Variants in DYRK1A observed in about 807,000 individuals in gnomAD.
DYRK1A encodes dual specificity tyrosine-phosphorylation-regulated kinase 1A.
A neutral mutation model predicts 79.7 loss-of-function variants in DYRK1A; 9 were observed. That is an observed-to-expected ratio of 0.11 (90% CI 0.07 to 0.20). The LOEUF (loss-of-function observed/expected upper bound fraction) is 0.20, where lower values mean the gene tolerates loss of function less well. Ranked by LOEUF, DYRK1A falls within the 10% of genes least tolerant of loss-of-function variation. The pLI is 1.00. For missense variants in DYRK1A, 622 were observed against 956.0 expected (o/e 0.65, Z 4.61); for synonymous variants, 349 against 329.7 (o/e 1.06, Z -0.63).
intron 2 of DYRK1A, among the ~76,000 whole-genome samples, chr21:37,438,420 G>T (rs1241796818): frequency 1.3e-5 from 2 of 149,996 alleles, no homozygotes; most frequent in Non-Finnish European, 2.9e-5. Flanking sequence ...GTTTGTTGTT[G>T]TTTTTTTCCC....
chr21:37,497,215 C>T (rs764478634), intron 9 of DYRK1A, among the ~76,000 whole-genome samples: 30 of 152,168 alleles, frequency 2.0e-4, no homozygotes, highest in Non-Finnish European at 3.7e-4. Context: ...CTTAATTCAC[C>T]TCCACACAGC....
rs950898744 is a variant in DYRK1A, at chr21:37,515,100, T to C, written c.*2569T>C. 2.6e-5 allele frequency: 4 copies of C among 152,632 alleles called. No individual in the cohort carries two copies. Among genetic ancestry groups the C allele is most frequent in the African/African-American group, 9.6e-5 (4 of 41,452 alleles). The allele number at this position is 152,632 out of a possible 1,614,324, so 9.5% of individuals were successfully genotyped here. ...CGGACTTGCTGTGTATATTGTAACG[T>C]TAAATGAAAAAAGAACCCCCCTTTG... On this transcript the variant is annotated 3_prime_UTR_variant, in exon 12 of 12. Transcript: ENST00000647188.
chr21:37,483,415 G>T (rs1388213278), intron 5 of DYRK1A, among the ~76,000 whole-genome samples: 6 of 152,192 alleles, frequency 3.9e-5, no homozygotes, highest in African/African-American at 7.2e-5. Flanking sequence ...TGTCACTCCA[G>T]TGTGGCCCTA....
intron 2 of DYRK1A, among the ~76,000 whole-genome samples, chr21:37,440,653 A>G (rs1196702638): frequency 1.3e-5 from 2 of 151,826 alleles, no homozygotes; most frequent in Non-Finnish European, 2.9e-5. Context: ...ATTTAGGACT[A>G]TTTTGTTTTG....
intron 9 of DYRK1A, among the ~76,000 whole-genome samples, chr21:37,496,704 T>A (rs750367316): frequency 6.0e-5 from 9 of 150,790 alleles, no homozygotes; most frequent in Admixed American, 2.0e-4. Flanking sequence ...TTGGCTTAAG[T>A]AGTATGTGAT....
intron 2 of DYRK1A, among the ~76,000 whole-genome samples, chr21:37,432,974 T>TAAA (rs1301962561): frequency 8.7e-6 from 1 of 114,942 alleles, no homozygotes; most frequent in Non-Finnish European, 1.8e-5. Context: ...AAACTCCATC[T>TAAA]AAAAAAAAAA....
rs773203067 is a variant in DYRK1A, at chr21:37,490,281, C to G, written c.744C>G (p.Val248=). 5 of 1,613,848 alleles carry G rather than the reference C, an allele frequency of 3.1e-6. No individual in the cohort carries two copies. The highest frequency in any genetic ancestry group is 4.2e-6 in the Non-Finnish European group (5 of 1,179,796). ...DLLRNTNFRG[V]SLNLTRKFAQ... The stretch of plus-strand genomic sequence containing the variant: ...TGAGAAACACCAATTTCCGAGGGGT[C>G]TCTTTGAACCTAACACGAAAGTTTG... The change falls in exon 7 of 12, where the codon GTC becomes GTG. Residue 248 remains valine, a synonymous_variant. Transcript: ENST00000647188.
Position 37,512,609 on chromosome 21 carries a change from TGC to T in DYRK1A, c.*79_*80del. 1 of 1,526,256 alleles carries T rather than the reference TGC, an allele frequency of 6.6e-7. No homozygotes were observed. Among genetic ancestry groups the T allele is most frequent in the Non-Finnish European group, 8.9e-7 (1 of 1,128,546 alleles). The allele number at this position is 1,526,256 out of a possible 1,614,324, so 94.5% of individuals were successfully genotyped here. ...TTTTTCCAAAAACAAAGTGCAAAGCTGCTTGAATCAGGAGGAGATTAACACAC... is the reference window on the plus strand; with the variant it reads ...TTTTTCCAAAAACAAAGTGCAAAGCTTTGAATCAGGAGGAGATTAACACAC... On this transcript the variant is annotated 3_prime_UTR_variant, in exon 12 of 12. Coordinates refer to ENST00000647188, the MANE Select transcript of DYRK1A (RefSeq NM_001347721.2).
At chr21:37,414,267 G>A (rs2050295898) in intron 1 of DYRK1A, among the ~76,000 whole-genome samples, 2 of 151,984 alleles carry the variant, frequency 1.3e-5, no homozygotes, top group South Asian at 4.2e-4. Context: ...TTTTTGAGTA[G>A]GGGAAATGGT....
intron 2 of DYRK1A, among the ~76,000 whole-genome samples, chr21:37,425,150 G>T (rs528195654): frequency 6.6e-6 from 1 of 151,730 alleles, no homozygotes; most frequent in African/African-American, 2.4e-5. Flanking sequence ...CCAGTTTTAT[G>T]TCCAGCTAGT....
chr21:37,439,193 C>T (rs185062297), intron 2 of DYRK1A, among the ~76,000 whole-genome samples: 4 of 152,234 alleles, frequency 2.6e-5, no homozygotes, highest in Admixed American at 1.3e-4. Flanking sequence ...TTGGTAGGTT[C>T]CATCACATTT....
In DYRK1A at chr21:37,425,092, C is replaced by T. The variant is rs377438006; in HGVS notation, c.10+4708C>T. 8.2e-4 allele frequency among the ~76,000 whole-genome samples: 125 copies of T among 152,180 alleles called. 2 individuals are homozygous for T. Among genetic ancestry groups the T allele is most frequent in the South Asian group, 4.8e-3 (23 of 4,822 alleles). On this transcript the variant is annotated intron_variant, in intron 2 of 11. Transcript: ENST00000647188. ...AATAGTTTGGAGTCTGTCTTTCTAG[C>T]GAGTAGTTTTTGTTTAATACGTTTA...
intron 3 of DYRK1A, among the ~76,000 whole-genome samples, chr21:37,477,313 C>G (rs984646899): frequency 6.6e-6 from 1 of 152,138 alleles, no homozygotes; most frequent in African/African-American, 2.4e-5. Context: ...TGGCTGTGAC[C>G]ACCTTGATGG....
At chr21:37,463,540 C>A (rs2051923112) in intron 2 of DYRK1A, among the ~76,000 whole-genome samples, 1 of 152,188 alleles carries the variant, frequency 6.6e-6, no homozygotes, top group Admixed American at 6.5e-5. Flanking sequence ...TTCATCCTTA[C>A]CTCCCGTGCA....
intron 6 of DYRK1A, chr21:37,487,354 A>T (rs918876950): frequency 7.2e-5 from 11 of 152,184 alleles, no homozygotes; most frequent in Admixed American, 2.6e-4. Flanking sequence ...GAGACAGAAG[A>T]ATTATGACAA....
chr21:37,374,745 G>C (rs1045202793), intron 1 of DYRK1A, among the ~76,000 whole-genome samples: 3 of 152,048 alleles, frequency 2.0e-5, no homozygotes, highest in Non-Finnish European at 2.9e-5. Context: ...AGTAGAGACG[G>C]GGTTTCACTG....
intron 2 of DYRK1A, among the ~76,000 whole-genome samples, chr21:37,446,207 A>C (rs1055415681): frequency 6.6e-6 from 1 of 152,180 alleles, no homozygotes; most frequent in Admixed American, 6.5e-5. Flanking sequence ...TTTCCTGAGC[A>C]TTGGGCCTCT....
chr21:37,458,175 G>A (rs1329912280), intron 2 of DYRK1A, among the ~76,000 whole-genome samples: 4 of 151,738 alleles, frequency 2.6e-5, no homozygotes, highest in East Asian at 1.9e-4. Flanking sequence ...TTGTACTTAC[G>A]GGTTTCTTGG....
chr21:37,512,843 G>A lies in DYRK1A; in HGVS notation c.*312G>A, dbSNP rs544368320. On this transcript the variant is annotated 3_prime_UTR_variant, in exon 12 of 12. Transcript: ENST00000647188. The stretch of plus-strand genomic sequence containing the variant: ...TCTATTCAGCAAAAGTTAATATTCA[G>A]ATGTTGGTCTTGGTCATTTGCCAAC... 3.9e-5 allele frequency: 12 copies of A among 310,334 alleles called. No homozygotes were observed. Among genetic ancestry groups the A allele is most frequent in the Non-Finnish European group, 7.1e-5 (12 of 167,972 alleles). 19.2% of individuals were successfully genotyped at this position (310,334 alleles called of 1,614,324 possible).
Sources: gnomAD v4.1 joint callset for allele counts (sites outside exome capture counted in the v4.1 genomes callset) on GRCh38, gnomAD v4.1.1 for gene constraint, MANE v1.5 for transcripts, NCBI Gene and HGNC (gene_info 2026-07-23, HGNC 2026-07-21) for gene names.